Variants in WFIKKN1 observed in about 807,000 individuals in gnomAD.
The protein encoded by WFIKKN1 is WAP, follistatin/kazal, immunoglobulin, kunitz and netrin domain containing 1.
WFIKKN1 carries 6 observed loss-of-function variants against 4.6 expected under a neutral mutation model. That is an observed-to-expected ratio of 1.31 (90% CI 0.72 to 2.59). The LOEUF is 2.59. WFIKKN1 is among the 30% of genes most tolerant of loss of function. The pLI is 0.00. For synonymous variants in WFIKKN1, 468 were observed against 367.4 expected (o/e 1.27, Z -3.13); for missense variants, 964 against 818.0 (o/e 1.18, Z -2.18).
Position 633,385 on chromosome 16 carries a change from C to G in WFIKKN1, c.975C>G (p.Gly325=). 1 of 1,566,486 alleles carries G rather than the reference C, an allele frequency of 6.4e-7. No homozygotes were observed. Among genetic ancestry groups the G allele is most frequent in the Admixed American group, 1.8e-5 (1 of 55,716 alleles). The change falls in exon 2 of 2, where the codon GGC becomes GGG. Residue 325 remains glycine (G), a synonymous_variant. Transcript: ENST00000319070. The stretch of plus-strand genomic sequence containing the variant: ...GGCACTACGACCCGCAGCGGGGCGG[C>G]TGCATGACCTTCCCGGCCCGTGGCT... ...VLWHYDPQRG[G]CMTFPARGCD... is the part of the protein sequence containing the mutation.
chr16:632,277 C>G (rs932310883), intron 1 of WFIKKN1: 1 of 315,508 alleles, frequency 3.2e-6, no homozygotes, highest in African/African-American at 2.1e-5. Context: ...TTGTCCTGGC[C>G]CGCACCACCT....
In WFIKKN1 at chr16:633,377, C is replaced by A; in HGVS notation, c.967C>A (p.Arg323=). The A allele has an allele frequency of 6.4e-7, 1 of 1,566,166 alleles. No homozygotes were observed. The highest frequency in any genetic ancestry group is 8.6e-7 in the Non-Finnish European group (1 of 1,163,764). The part of the protein sequence containing the change: ...HLVLWHYDPQ[R]GGCMTFPARG... Reference sequence around the variant, plus strand: ...TGTCCTCTGGCACTACGACCCGCAGCGGGGCGGCTGCATGACCTTCCCGGC... The same window carrying A: ...TGTCCTCTGGCACTACGACCCGCAGAGGGGCGGCTGCATGACCTTCCCGGC... Residue 323 remains arginine, a synonymous_variant, in exon 2 of 2, where the codon CGG becomes AGG. Coordinates refer to ENST00000319070, the MANE Select transcript of WFIKKN1 (RefSeq NM_053284.3).
Position 633,921 on chromosome 16 carries a change from T to C in WFIKKN1, c.1511T>C (p.Met504Thr), listed in dbSNP as rs1276703731. Residue 504 changes from methionine to threonine, a missense_variant, in exon 2 of 2, where the codon ATG becomes ACG. Physicochemically the swap from Met to Thr is moderately conservative, Grantham distance 81. Transcript: ENST00000319070. Reference sequence around the variant, plus strand: ...GCGGGCGACGGGCCGCTGGTCATCATGGGTGAGGTGCGCGATGGCGTGGCC... The same window carrying C: ...GCGGGCGACGGGCCGCTGGTCATCACGGGTGAGGTGCGCGATGGCGTGGCC... ...MTAGDGPLVIMGEVRDGVAVL... is the reference protein window; with the variant it reads ...MTAGDGPLVITGEVRDGVAVL... 6 of 1,595,116 alleles carry C rather than the reference T, an allele frequency of 3.8e-6. No individual in the cohort carries two copies. Among genetic ancestry groups the C allele is most frequent in the Admixed American group, 3.5e-5 (2 of 57,444 alleles).
chr16:632,461 G>C, intron 1 of WFIKKN1, 121 bp from the exon 2 acceptor site: 1 of 1,249,938 alleles, frequency 8.0e-7, no homozygotes. Flanking sequence ...AGTCCCCGGG[G>C]AGGCAGCCAC....
At chr16:632,028 G>GCCTCTCCTCCCAT (rs1567198457) in intron 1 of WFIKKN1, 1 of 41,276 alleles carries the variant, frequency 2.4e-5, no homozygotes, top group African/African-American at 1.2e-4. Context: ...CCCCTTCACT[G>GCCTCTCCTCCCAT]CCTCTCCTCC....
rs537062815 is a variant in WFIKKN1, at chr16:631,162, C to G, written c.-92C>G. On this transcript the variant is annotated 5_prime_UTR_variant, in exon 1 of 2. Coordinates refer to ENST00000319070, the MANE Select transcript of WFIKKN1 (RefSeq NM_053284.3). Reference sequence around the variant, plus strand: ...CTGGTGGGGGCACCGACCACAGGCCCGGAGGGTGGATGCCTGCAGGAAGCT... The same window carrying G: ...CTGGTGGGGGCACCGACCACAGGCCGGGAGGGTGGATGCCTGCAGGAAGCT... The G allele has an allele frequency of 9.9e-6, 14 of 1,417,232 alleles. No homozygotes were observed. The South Asian group carries it at 1.3e-4, about 13-fold the overall frequency. The allele number at this position is 1,417,232 out of a possible 1,614,324, so 87.8% of individuals were successfully genotyped here.
At position 633,188 on chromosome 16, in the gene WFIKKN1, C is replaced by T; in HGVS notation, c.778C>T (p.Leu260=). ...LYNARPEDAG[L]YTCTARNAAG... ...CAACGCGCGGCCCGAAGACGCCGGC[C>T]TGTACACCTGCACCGCGCGCAACGC... Residue 260 remains leucine (L), a synonymous_variant, in exon 2 of 2, where the codon CTG becomes TTG. Coordinates refer to ENST00000319070, the MANE Select transcript of WFIKKN1 (RefSeq NM_053284.3). 1 of 1,596,160 alleles carries T rather than the reference C, an allele frequency of 6.3e-7. No individual in the cohort carries two copies. The highest frequency in any genetic ancestry group is 8.5e-7 in the Non-Finnish European group (1 of 1,169,994).
Position 633,866 on chromosome 16 carries a change from G to C in WFIKKN1, c.1456G>C (p.Asp486His). ...CCTGGAGGTGACGCTGAGTGGCATG[G>C]ACTGGGCCTGCCCCTGCCCCAACAT... ...KYLEVTLSGM[D>H]WACPCPNMTA... Residue 486 changes from aspartate to histidine, a missense_variant, in exon 2 of 2, where the codon GAC becomes CAC. Transcript: ENST00000319070. 6.3e-7 allele frequency: 1 copy of C among 1,595,786 alleles called. No homozygotes were observed. The highest frequency in any genetic ancestry group is 8.5e-7 in the Non-Finnish European group (1 of 1,172,044).
chr16:632,645 C>A lies in WFIKKN1; in HGVS notation c.235C>A (p.Arg79Ser), dbSNP rs757780773. The A allele has an allele frequency of 6.3e-7, 1 of 1,599,570 alleles. No individual in the cohort carries two copies. Among genetic ancestry groups the A allele is most frequent in the Non-Finnish European group, 8.5e-7 (1 of 1,172,580 alleles). Residue 79 changes from arginine (R) to serine (S), a missense_variant, in exon 2 of 2, where the codon CGC becomes AGC. Physicochemically the swap from Arg to Ser is moderately radical, Grantham distance 110. Coordinates refer to ENST00000319070, the MANE Select transcript of WFIKKN1 (RefSeq NM_053284.3). ...TGGACTGCACAGCTGCGTGGCAGCA[C>A]GCTTCCCCGGCAGCCCAGCTGCGCC... is the stretch of plus-strand genomic sequence containing the variant. ...VCGLHSCVAARFPGSPAAPTT... is the reference protein window; with the variant it reads ...VCGLHSCVAASFPGSPAAPTT...
At chr16:631,583 T>A in intron 1 of WFIKKN1, 159 bp downstream of exon 1, 1 of 857,516 alleles carries the variant, frequency 1.2e-6, no homozygotes, top group Non-Finnish European at 1.6e-6. Flanking sequence ...TGCCCTCATT[T>A]GTCTTAAGAA....
rs986327288 is a variant in WFIKKN1 at position 633,028 on chromosome 16, C to T, written c.618C>T (p.His206=). 7 of 1,610,108 alleles carry T rather than the reference C, an allele frequency of 4.3e-6. No homozygotes were observed. The highest frequency in any genetic ancestry group is 5.9e-6 in the Non-Finnish European group (7 of 1,178,630). ...AVQVGGTASL[H]CDVSGRPPPA... is the part of the protein sequence containing the mutation. ...AGGTTGGGGGTACGGCCAGCCTCCA[C>T]TGCGACGTCAGCGGCCGCCCGCCGC... The change falls in exon 2 of 2, where the codon CAC becomes CAT. Residue 206 remains histidine, a synonymous_variant. Coordinates refer to ENST00000319070, the MANE Select transcript of WFIKKN1 (RefSeq NM_053284.3).
Position 633,031 on chromosome 16 carries a change from C to G in WFIKKN1, c.621C>G (p.Cys207Trp). The G allele has an allele frequency of 6.2e-7, 1 of 1,610,254 alleles. No individual in the cohort carries two copies. Among genetic ancestry groups the G allele is most frequent in the Non-Finnish European group, 8.5e-7 (1 of 1,178,654 alleles). Residue 207 changes from cysteine to tryptophan, a missense_variant, in exon 2 of 2, where the codon TGC becomes TGG. Cys to Trp is a radical substitution (Grantham distance 215). Transcript: ENST00000319070. The part of the protein sequence containing the change: ...VQVGGTASLH[C>W]DVSGRPPPAV... Reference sequence around the variant, plus strand: ...TTGGGGGTACGGCCAGCCTCCACTGCGACGTCAGCGGCCGCCCGCCGCCTG... The same window carrying G: ...TTGGGGGTACGGCCAGCCTCCACTGGGACGTCAGCGGCCGCCCGCCGCCTG...
chr16:632,252 G>C (rs898860760), intron 1 of WFIKKN1: 6 of 260,214 alleles, frequency 2.3e-5, no homozygotes, highest in East Asian at 2.1e-4. Flanking sequence ...GGGTGCTGCA[G>C]CCGATGTCCA....
At chr16:632,441 A>C in intron 1 of WFIKKN1, 141 bp from the exon 2 acceptor site, 2 of 1,106,470 alleles carry the variant, frequency 1.8e-6, no homozygotes, top group Non-Finnish European at 2.4e-6. Flanking sequence ...ACAGGATGGA[A>C]AGGACACTGA....
Position 631,107 on chromosome 16 carries a change from G to T in WFIKKN1, c.-147G>T. 1.1e-6 allele frequency: 1 copy of T among 934,420 alleles called. No homozygotes were observed. Among genetic ancestry groups the T allele is most frequent in the Non-Finnish European group, 1.5e-6 (1 of 649,122 alleles). The allele number at this position is 934,420 out of a possible 1,614,324, so 57.9% of individuals were successfully genotyped here. On this transcript the variant is annotated 5_prime_UTR_variant, in exon 1 of 2. Coordinates refer to ENST00000319070, the MANE Select transcript of WFIKKN1 (RefSeq NM_053284.3). ...GGACAAGCATCTGCTGCAGGCTTCA[G>T]CCTCAGGGGCAAAAGGGAGCCCCGG...
rs776460966 is a variant in WFIKKN1 at position 633,033 on chromosome 16, A to G, written c.623A>G (p.Asp208Gly). The change falls in exon 2 of 2, where the codon GAC becomes GGC. Residue 208 changes from aspartate to glycine, a missense_variant. By Grantham distance (94) the Asp-to-Gly change is moderately conservative. Transcript: ENST00000319070. ...QVGGTASLHC[D>G]VSGRPPPAVT... Reference sequence around the variant, plus strand: ...GGGGGTACGGCCAGCCTCCACTGCGACGTCAGCGGCCGCCCGCCGCCTGCT... The same window carrying G: ...GGGGGTACGGCCAGCCTCCACTGCGGCGTCAGCGGCCGCCCGCCGCCTGCT... The G allele has an allele frequency of 1.9e-6, 3 of 1,610,648 alleles. No individual in the cohort carries two copies. Among genetic ancestry groups the G allele is most frequent in the African/African-American group, 2.7e-5 (2 of 74,840 alleles).
At position 631,191 on chromosome 16, in the gene WFIKKN1, C is replaced by A. The variant is rs2036944330; in HGVS notation, c.-63C>A. 2.0e-6 allele frequency: 3 copies of A among 1,498,834 alleles called. No homozygotes were observed. Among genetic ancestry groups the A allele is most frequent in the Non-Finnish European group, 2.7e-6 (3 of 1,127,618 alleles). 92.8% of individuals were successfully genotyped at this position (1,498,834 alleles called of 1,614,324 possible). ...GGGTGGATGCCTGCAGGAAGCTGGG[C>A]TCTGTGGAGCCCGAGGAGGGGCTGG... On this transcript the variant is annotated 5_prime_UTR_variant, in exon 1 of 2. Coordinates refer to ENST00000319070, the MANE Select transcript of WFIKKN1 (RefSeq NM_053284.3).
chr16:633,185 G>T lies in WFIKKN1; in HGVS notation c.775G>T (p.Gly259Cys), dbSNP rs751150830. The change falls in exon 2 of 2, where the codon GGC becomes TGC. Residue 259 changes from glycine to cysteine, a missense_variant. Coordinates refer to ENST00000319070, the MANE Select transcript of WFIKKN1 (RefSeq NM_053284.3). ...CTACAACGCGCGGCCCGAAGACGCC[G>T]GCCTGTACACCTGCACCGCGCGCAA... is the stretch of plus-strand genomic sequence containing the variant. The part of the protein sequence containing the change: ...VLYNARPEDA[G>C]LYTCTARNAA... 6.3e-7 allele frequency: 1 copy of T among 1,595,952 alleles called. No individual in the cohort carries two copies. The highest frequency in any genetic ancestry group is 2.3e-5 in the East Asian group (1 of 44,258).
chr16:633,613 C>A lies in WFIKKN1; in HGVS notation c.1203C>A (p.Ser401Arg). The change falls in exon 2 of 2, where the codon AGC (serine) becomes AGA (arginine). Residue 401 changes from serine (S) to arginine (R), a missense_variant. Coordinates refer to ENST00000319070, the MANE Select transcript of WFIKKN1 (RefSeq NM_053284.3). The stretch of plus-strand genomic sequence containing the variant: ...AGGGCAACGGCAACAACTTCCACAG[C>A]CGCGAGAGCTGCGAGGATGCCTGCC... ...GCEGNGNNFH[S>R]RESCEDACPV... 1 of 1,572,768 alleles carries A rather than the reference C, an allele frequency of 6.4e-7. No individual in the cohort carries two copies. The highest frequency in any genetic ancestry group is 8.6e-7 in the Non-Finnish European group (1 of 1,164,922).
Sources: allele counts gnomAD v4.1 joint callset, GRCh38; gene constraint gnomAD v4.1.1; transcripts MANE v1.5; gene names NCBI Gene and HGNC (gene_info 2026-07-23, HGNC 2026-07-21).